HROB: variants seen among roughly 807,000 people sequenced by gnomAD.
HROB encodes homologous recombination factor with OB-fold.
Under a neutral mutation model 61.0 loss-of-function variants are expected in HROB, and 44 were observed. That is an observed-to-expected ratio of 0.72 (90% CI 0.57 to 0.93). The LOEUF (loss-of-function observed/expected upper bound fraction) is 0.93, where lower values mean the gene tolerates loss of function less well. Ranked by LOEUF, HROB falls within the 40% of genes least tolerant of loss-of-function variation. HROB has a pLI of 0.00. For synonymous variants in HROB, 301 were observed against 310.4 expected (o/e 0.97, Z 0.32); for missense variants, 716 against 796.2 (o/e 0.90, Z 1.21).
intron 4 of HROB, 145 bp from the exon 5 acceptor site, chr17:44,152,492 T>C: frequency 1.3e-6 from 1 of 765,448 alleles, no homozygotes; most frequent in Non-Finnish European, 2.0e-6. Flanking sequence ...TGGAGATAAA[T>C]GAGAGGAGAG....
In HROB at chr17:44,148,025, G is replaced by A; in HGVS notation, c.222G>A (p.Leu74=). The A allele has an allele frequency of 6.2e-7, 1 of 1,613,932 alleles. No homozygotes were observed. The highest frequency in any genetic ancestry group is 8.5e-7 in the Non-Finnish European group (1 of 1,180,032). The part of the protein sequence containing the change: ...HPTAPSEALG[L]PDLDLCLPAS... ...CTGCTCCCTCAGAGGCTTTGGGCCT[G>A]CCAGACTTGGACCTCTGCCTCCCTG... The change falls in exon 3 of 10, where the codon CTG becomes CTA. Residue 74 remains leucine (L), a synonymous_variant. Coordinates refer to ENST00000585683, the MANE Select transcript of HROB (RefSeq NM_001171251.3).
chr17:44,145,306 A>C (rs576141709), intron 2 of HROB, 53 bp downstream of exon 2: 2 of 1,600,440 alleles, frequency 1.2e-6, no homozygotes, highest in East Asian at 4.5e-5. Context: ...AAATGTAAAC[A>C]CTCAGGTTCA....
Position 44,154,594 on chromosome 17 carries a change from C to A in HROB, c.1488C>A (p.Asn496Lys). The stretch of plus-strand genomic sequence containing the variant: ...AGCTTCCTAGGAACAAGGTCCCCAA[C>A]ATGGCGGTGATGATCAAGTCCCTGA... ...LKQLPRNKVP[N>K]MAVMIKSLTR... Residue 496 changes from asparagine (N) to lysine (K), a missense_variant, in exon 6 of 10, where the codon AAC becomes AAA. Physicochemically the swap from Asn to Lys is moderately conservative, Grantham distance 94. Transcript: ENST00000585683. 1.2e-6 allele frequency: 2 copies of A among 1,614,190 alleles called. No individual in the cohort carries two copies. The highest frequency in any genetic ancestry group is 1.7e-6 in the Non-Finnish European group (2 of 1,180,036).
intron 3 of HROB, 33 bp downstream of exon 3, chr17:44,149,060 C>T (rs376292448): frequency 8.2e-6 from 13 of 1,579,970 alleles, no homozygotes; most frequent in Non-Finnish European, 1.7e-6. Context: ...ATTTGGTGGG[C>T]AAGGGAGAGA....
At chr17:44,145,383 T>G in intron 2 of HROB, 130 bp downstream of exon 2, 1 of 1,079,398 alleles carries the variant, frequency 9.3e-7, no homozygotes, top group Non-Finnish European at 1.4e-6. Context: ...GCCTGTGAGG[T>G]GCTGAGAAGT....
Position 44,155,406 on chromosome 17 carries a change from C to T in HROB, c.1765C>T (p.Pro589Ser), listed in dbSNP as rs765189443. ...GSFLKPSQPF[P>S]KDSGSFQHDV... ...CTTCCTCAAGCCATCTCAGCCCTTC[C>T]CCAAGGTAAGAGGAGCAGGAAGAAA... is the stretch of plus-strand genomic sequence containing the variant. The change falls in exon 8 of 10, where the codon CCC (proline) becomes TCC (serine). Residue 589 changes from proline (P) to serine (S), a missense_variant. Coordinates refer to ENST00000585683, the MANE Select transcript of HROB (RefSeq NM_001171251.3). 6.2e-7 allele frequency: 1 copy of T among 1,614,028 alleles called. No individual in the cohort carries two copies. Among genetic ancestry groups the T allele is most frequent in the Non-Finnish European group, 8.5e-7 (1 of 1,179,982 alleles).
Position 44,142,186 on chromosome 17 carries a change from C to T in HROB, c.3+41C>T, listed in dbSNP as rs1436460966. On this transcript the variant is annotated intron_variant, in intron 1 of 9. Transcript: ENST00000585683. ...GCTTGGGGGCTGGCGGGCCGCAGGG[C>T]CCCCTGGCCTCCGGAACTGCTCATG... 4 of 1,489,200 alleles carry T rather than the reference C, an allele frequency of 2.7e-6. No individual in the cohort carries two copies. In the East Asian group the frequency reaches 7.9e-5, roughly 29 times the overall value. The allele number at this position is 1,489,200 out of a possible 1,614,324, so 92.2% of individuals were successfully genotyped here.
At chr17:44,144,000 CAG>C (rs1391991119) in intron 1 of HROB, among the ~76,000 whole-genome samples, 1 of 150,756 alleles carries the variant, frequency 6.6e-6, no homozygotes, top group African/African-American at 2.4e-5. Context: ...TTTTTTAAGA[CAG>C]AGTCTTGCTC....
Position 44,148,307 on chromosome 17 carries a change from G to A in HROB, c.504G>A (p.Glu168=). ...AAGTCCTGGCAAGCATGGAGTTGGA[G>A]GAGCCTGGCATGGAGCTGGAATGTG... ...FDKVLASMEL[E]EPGMELECGV... The change falls in exon 3 of 10, where the codon GAG becomes GAA. Residue 168 remains glutamate (E), a synonymous_variant. Coordinates refer to ENST00000585683, the MANE Select transcript of HROB (RefSeq NM_001171251.3). 6.2e-7 allele frequency: 1 copy of A among 1,614,234 alleles called. No individual in the cohort carries two copies. The highest frequency in any genetic ancestry group is 8.5e-7 in the Non-Finnish European group (1 of 1,180,046).
intron 9 of HROB, 72 bp from the exon 10 acceptor site, chr17:44,161,799 G>T: frequency 6.5e-7 from 1 of 1,547,042 alleles, no homozygotes; most frequent in Non-Finnish European, 8.9e-7. Context: ...CTGAAGGGCA[G>T]AAACTTTGGA....
chr17:44,152,543 C>G (rs1388208840), intron 4 of HROB, 94 bp from the exon 5 acceptor site: 3 of 1,430,618 alleles, frequency 2.1e-6, no homozygotes, highest in Middle Eastern at 3.7e-4. Context: ...GGGGATTTGC[C>G]TTTCCTCTCT....
In HROB at chr17:44,141,972, G is replaced by C; in HGVS notation, c.-171G>C. 3.2e-6 allele frequency: 3 copies of C among 935,766 alleles called. No individual in the cohort carries two copies. Among genetic ancestry groups the C allele is most frequent in the Non-Finnish European group, 4.6e-6 (3 of 657,742 alleles). The allele number at this position is 935,766 out of a possible 1,614,324, so 58.0% of individuals were successfully genotyped here. ...ATGCGGCCTAAGGCGCCTGCCGCCA[G>C]TCTCCTGGCGACTTTCCCTATATCG... is the stretch of plus-strand genomic sequence containing the variant. On this transcript the variant is annotated 5_prime_UTR_variant, in exon 1 of 10. Coordinates refer to ENST00000585683, the MANE Select transcript of HROB (RefSeq NM_001171251.3).
intron 5 of HROB, among the ~76,000 whole-genome samples, chr17:44,153,965 T>A (rs1260030397): frequency 3.9e-5 from 6 of 152,092 alleles, no homozygotes; most frequent in African/African-American, 1.4e-4. Context: ...GGAGCATCGC[T>A]TGAACCCAGA....
chr17:44,149,482 C>T (rs771418290), intron 3 of HROB, among the ~76,000 whole-genome samples: 1 of 152,220 alleles, frequency 6.6e-6, no homozygotes, highest in African/African-American at 2.4e-5. Context: ...CTCCTGACCT[C>T]AAGTGATCTG....
chr17:44,148,447 C>G lies in HROB; in HGVS notation c.644C>G (p.Pro215Arg), dbSNP rs2053684051. 1 of 1,614,130 alleles carries G rather than the reference C, an allele frequency of 6.2e-7. No homozygotes were observed. The highest frequency in any genetic ancestry group is 8.5e-7 in the Non-Finnish European group (1 of 1,180,010). ...GGATCTTGCCAGAAGGGGCCTGTGCCTGCCATCCACAAAGCGGGTATCATG... is the reference window on the plus strand; with the variant it reads ...GGATCTTGCCAGAAGGGGCCTGTGCGTGCCATCCACAAAGCGGGTATCATG... Reference protein sequence around the residue: ...LSGSCQKGPVPAIHKAGIMSA... With the variant: ...LSGSCQKGPVRAIHKAGIMSA... Residue 215 changes from proline (P) to arginine (R), a missense_variant, in exon 3 of 10, where the codon CCT (proline) becomes CGT (arginine). Physicochemically the swap from Pro to Arg is moderately radical, Grantham distance 103 (BLOSUM62 -2). Transcript: ENST00000585683.
At position 44,148,661 on chromosome 17, in the gene HROB, G is replaced by A; in HGVS notation, c.858G>A (p.Gly286=). Reference sequence around the variant, plus strand: ...TTCAGCCTCTCCAAGCTGCTAGAGGGACCATTCAGAGCAGCCCTCAAAATC... The same window carrying A: ...TTCAGCCTCTCCAAGCTGCTAGAGGAACCATTCAGAGCAGCCCTCAAAATC... The part of the protein sequence containing the change: ...QALQPLQAAR[G]TIQSSPQNRF... The change falls in exon 3 of 10, where the codon GGG becomes GGA. Residue 286 remains glycine, a synonymous_variant. Transcript: ENST00000585683. 1 of 1,613,800 alleles carries A rather than the reference G, an allele frequency of 6.2e-7. No homozygotes were observed. Among genetic ancestry groups the A allele is most frequent in the Middle Eastern group, 1.6e-4 (1 of 6,062 alleles).
At chr17:44,150,392 C>CTT (rs34260212) in intron 3 of HROB, among the ~76,000 whole-genome samples, 2 of 142,872 alleles carry the variant, frequency 1.4e-5, no homozygotes, top group South Asian at 2.2e-4. Context: ...TTCTTTCTTT[C>CTT]TTTTTTTTTT....
In HROB at chr17:44,148,613, G is replaced by T. The variant is rs749460836; in HGVS notation, c.810G>T (p.Pro270=). The T allele has an allele frequency of 1.2e-6, 2 of 1,613,444 alleles. No individual in the cohort carries two copies. Among genetic ancestry groups the T allele is most frequent in the Non-Finnish European group, 1.7e-6 (2 of 1,180,012 alleles). Residue 270 remains proline (P), a synonymous_variant, in exon 3 of 10, where the codon CCG becomes CCT. Coordinates refer to ENST00000585683, the MANE Select transcript of HROB (RefSeq NM_001171251.3). The stretch of plus-strand genomic sequence containing the variant: ...AGCAACTCCACTGGGAAGTCTGTCC[G>T]CAACGCTCCCCTGTTCAAGCACTTC... ...PTQQLHWEVC[P]QRSPVQALQP...
At chr17:44,161,708 G>A (rs1199441600) in intron 9 of HROB, among the ~76,000 whole-genome samples, 163 bp from the exon 10 acceptor site, 1 of 152,238 alleles carries the variant, frequency 6.6e-6, no homozygotes, top group Non-Finnish European at 1.5e-5. Context: ...ATGGAAGTCA[G>A]GCCAGCCTCA....
Sources: allele counts gnomAD v4.1 joint callset (sites outside exome capture counted in the v4.1 genomes callset), GRCh38; gene constraint gnomAD v4.1.1; transcripts MANE v1.5; gene names NCBI Gene and HGNC (gene_info 2026-07-23, HGNC 2026-07-21).